Variants in ASTN2 observed in about 807,000 individuals in gnomAD.
The protein encoded by ASTN2 is astrotactin 2, also known as astrotactin-2.
In ASTN2, 54 loss-of-function variants were observed where a neutral mutation model predicts 139.8. The ratio of observed to expected loss-of-function variants is 0.39; its 90% CI spans 0.31 to 0.48. The LOEUF (loss-of-function observed/expected upper bound fraction) is 0.48, where lower values mean the gene tolerates loss of function less well. Ranked by LOEUF, ASTN2 falls within the 20% of genes least tolerant of loss-of-function variation. The pLI is 0.95. For missense variants in ASTN2, 1,565 were observed against 1,725.1 expected, an observed-to-expected ratio of 0.91 and a Z score of 1.64; for synonymous variants, 756 against 719.5, an observed-to-expected ratio of 1.05 and a Z score of -0.81.
Position 116,878,167 on chromosome 9 carries a change from T to C in ASTN2, c.1890-14434A>G, listed in dbSNP as rs189882220. On this transcript the variant is annotated intron_variant, in intron 10 of 22. Transcript: ENST00000313400. ...CAGTATGGCAATTCCTCAAGGATTC[T>C]AGAACTAGAAACATCATTTGACCCC... is the stretch of plus-strand genomic sequence containing the variant. Among the ~76,000 whole-genome samples the C allele has an allele frequency of 5.3e-5, 8 of 152,358 alleles. No homozygotes were observed. In the East Asian group the frequency reaches 1.3e-3, roughly 26 times the overall value.
intron 11 of ASTN2, among the ~76,000 whole-genome samples, chr9:116,830,791 C>CAAA (rs35912144): frequency 0.017 from 1,646 of 97,030 alleles, 14 homozygotes; most frequent in African/African-American, 0.028. Flanking sequence ...GACCCTATGT[C>CAAA]AAAAAAAAAA....
intron 16 of ASTN2, among the ~76,000 whole-genome samples, chr9:116,690,850 ATAG>A (rs1220244148): frequency 6.6e-6 from 1 of 152,162 alleles, no homozygotes; most frequent in African/African-American, 2.4e-5. Context: ...CTGACAATAA[ATAG>A]TAGTTGCTTT....
chr9:117,400,366 G>C (rs932006569), intron 1 of ASTN2, among the ~76,000 whole-genome samples: 1 of 152,166 alleles, frequency 6.6e-6, no homozygotes, highest in Non-Finnish European at 1.5e-5. Context: ...AGGACAGAAC[G>C]TCTGTTCCCT....
intron 10 of ASTN2, among the ~76,000 whole-genome samples, chr9:116,872,315 C>T (rs975844709): frequency 1.3e-5 from 2 of 152,108 alleles, no homozygotes; most frequent in Admixed American, 1.3e-4. Flanking sequence ...GATTAGGGAG[C>T]AAATGTGTCA....
intron 10 of ASTN2, among the ~76,000 whole-genome samples, chr9:116,934,060 C>T (rs915259399): frequency 1.4e-5 from 2 of 143,688 alleles, no homozygotes; most frequent in Non-Finnish European, 3.0e-5. Context: ...GATCAGGGCA[C>T]TTGGGGGCTC....
intron 19 of ASTN2, among the ~76,000 whole-genome samples, chr9:116,490,573 A>G (rs1443997422): frequency 1.3e-5 from 2 of 152,160 alleles, no homozygotes; most frequent in Non-Finnish European, 2.9e-5. Context: ...AAGAAAAGGG[A>G]TTTAATTGAC....
chr9:117,046,979 T>C (rs1212978882), intron 5 of ASTN2, among the ~76,000 whole-genome samples: 1 of 152,188 alleles, frequency 6.6e-6, no homozygotes, highest in Non-Finnish European at 1.5e-5. Context: ...TCAGAAATCA[T>C]ACAAAAACAC....
chr9:116,956,711 A>C (rs1249250251), intron 10 of ASTN2, among the ~76,000 whole-genome samples: 1 of 152,016 alleles, frequency 6.6e-6, no homozygotes, highest in Non-Finnish European at 1.5e-5. Context: ...ATTAGAATTA[A>C]TAAATAACTT....
chr9:116,671,082 G>A (rs1859168268), intron 16 of ASTN2, among the ~76,000 whole-genome samples: 1 of 152,100 alleles, frequency 6.6e-6, no homozygotes, highest in South Asian at 2.1e-4. Context: ...TAGGCAGTTT[G>A]ACAATTATAA....
chr9:117,251,652 A>G (rs559919436), intron 2 of ASTN2, among the ~76,000 whole-genome samples: 51 of 152,342 alleles, frequency 3.3e-4, no homozygotes, highest in African/African-American at 1.2e-3. Context: ...GGGAGTTTCT[A>G]ATCTTTTAGC....
chr9:116,563,421 T>C (rs1052980086), intron 19 of ASTN2, among the ~76,000 whole-genome samples: 1 of 144,988 alleles, frequency 6.9e-6, no homozygotes. Context: ...ATAAAAAAAT[T>C]ATCCCAACAG....
At chr9:116,626,155 T>TG (rs1856447735) in intron 17 of ASTN2, among the ~76,000 whole-genome samples, 4 of 37,598 alleles carry the variant, frequency 1.1e-4, no homozygotes, top group Admixed American at 6.0e-4. Context: ...AGTTTTTGTG[T>TG]TTTTTTTTTT....
chr9:117,404,610 G>A (rs1830928293), intron 1 of ASTN2, among the ~76,000 whole-genome samples: 1 of 152,182 alleles, frequency 6.6e-6, no homozygotes, highest in Non-Finnish European at 1.5e-5. Context: ...CACGAAAACT[G>A]CACAATGATG....
intron 3 of ASTN2, among the ~76,000 whole-genome samples, chr9:117,154,836 G>GAT (rs778012533): frequency 1.3e-5 from 2 of 152,082 alleles, no homozygotes; most frequent in South Asian, 2.1e-4. Context: ...TGGGGATAAA[G>GAT]ATATATATAA....
chr9:116,786,965 C>T (rs1830395030), intron 13 of ASTN2, among the ~76,000 whole-genome samples: 1 of 152,188 alleles, frequency 6.6e-6, no homozygotes. Flanking sequence ...TCCCCTTTCA[C>T]TGGACACTCA....
At chr9:116,501,776 G>A (rs534113720) in intron 19 of ASTN2, among the ~76,000 whole-genome samples, 90 of 151,844 alleles carry the variant, frequency 5.9e-4, no homozygotes, top group African/African-American at 2.0e-3. Context: ...TGGGTGCAGC[G>A]CACCAGCACG....
At chr9:116,638,730 G>C (rs1326565739) in intron 17 of ASTN2, among the ~76,000 whole-genome samples, 2 of 152,114 alleles carry the variant, frequency 1.3e-5, no homozygotes, top group Non-Finnish European at 2.9e-5. Context: ...GAGATAGACA[G>C]GTTAGAAGAG....
intron 5 of ASTN2, among the ~76,000 whole-genome samples, chr9:117,060,346 G>T (rs1587916073): frequency 4.2e-5 from 2 of 47,236 alleles, no homozygotes; most frequent in African/African-American, 2.1e-4. Flanking sequence ...AAGAAAGAGA[G>T]AAAGAAAGAA....
intron 1 of ASTN2, among the ~76,000 whole-genome samples, chr9:117,296,556 T>C (rs981627886): frequency 3.3e-5 from 5 of 152,212 alleles, no homozygotes; most frequent in South Asian, 4.2e-4. Flanking sequence ...AAACATTTCA[T>C]TGAAGTCTCC....
Sources: gnomAD v4.1 joint callset for allele counts (sites outside exome capture counted in the v4.1 genomes callset) on GRCh38, gnomAD v4.1.1 for gene constraint, MANE v1.5 for transcripts, NCBI Gene and HGNC (gene_info 2026-07-23, HGNC 2026-07-21) for gene names.